Variants in BEND7 observed in about 807,000 individuals in gnomAD.
The protein encoded by BEND7 is BEN domain-containing protein 7.
A neutral mutation model predicts 50.9 loss-of-function variants in BEND7; 28 were observed. The observed-to-expected ratio is 0.55, with a 90% CI of 0.41 to 0.75. The LOEUF is 0.75. BEND7 is among the 30% of genes least tolerant of loss of function. BEND7 has a pLI of 0.00. For synonymous variants in BEND7, 170 were observed against 183.9 expected, an observed-to-expected ratio of 0.92 and a Z score of 0.61; for missense variants, 477 against 491.3, an observed-to-expected ratio of 0.97 and a Z score of 0.28.
At chr10:13,503,397 T>G (rs181017860) in intron 2 of BEND7, among the ~76,000 whole-genome samples, 1 of 152,172 alleles carries the variant, frequency 6.6e-6, no homozygotes, top group Non-Finnish European at 1.5e-5. Context: ...TAGCTCACTG[T>G]GGCATGTTTT....
At chr10:13,482,053 C>T (rs2075900775) in intron 5 of BEND7, among the ~76,000 whole-genome samples, 2 of 152,338 alleles carry the variant, frequency 1.3e-5, no homozygotes, top group Admixed American at 1.3e-4. Context: ...GAGGTGGCTA[C>T]AACTCTCTGT....
At chr10:13,525,835 G>A (rs904798962) in intron 2 of BEND7, among the ~76,000 whole-genome samples, 2 of 152,154 alleles carry the variant, frequency 1.3e-5, no homozygotes, top group East Asian at 1.9e-4. Context: ...GCATGCCAAC[G>A]AATATGCAAT....
At chr10:13,491,170 G>A (rs547642018) in intron 5 of BEND7, among the ~76,000 whole-genome samples, 59 of 151,866 alleles carry the variant, frequency 3.9e-4, no homozygotes, top group African/African-American at 1.4e-3. Context: ...TTCATTAGCC[G>A]GGGGTGGTGG....
Position 13,483,641 on chromosome 10 carries a change from A to G in BEND7, c.838-2517T>C, listed in dbSNP as rs1016349047. Among the ~76,000 whole-genome samples the G allele has an allele frequency of 7.9e-5, 12 of 152,224 alleles. 1 individual carries two copies. The South Asian group carries it at 2.5e-3, about 32-fold the overall frequency. ...CTCCAGGAGTTGGGTGACCTGGAGAACAGTGACCCAGCTGTTTCAATACCT... is the reference window on the plus strand; with the variant it reads ...CTCCAGGAGTTGGGTGACCTGGAGAGCAGTGACCCAGCTGTTTCAATACCT... On this transcript the variant is annotated intron_variant, in intron 5 of 8. Transcript: ENST00000466271.
intron 8 of BEND7, chr10:13,444,617 G>A (rs921131436): frequency 2.5e-4 from 38 of 152,310 alleles, no homozygotes; most frequent in African/African-American, 9.1e-4. Flanking sequence ...CAAGCTCAAG[G>A]ATGAAACCAC....
intron 2 of BEND7, among the ~76,000 whole-genome samples, chr10:13,521,219 G>A (rs895077970): frequency 6.6e-5 from 10 of 152,108 alleles, no homozygotes; most frequent in African/African-American, 2.2e-4. Context: ...TTGGGAGCAC[G>A]TTTGAACAAA....
At chr10:13,454,561 A>G (rs1399573733) in intron 6 of BEND7, among the ~76,000 whole-genome samples, 1 of 151,858 alleles carries the variant, frequency 6.6e-6, no homozygotes, top group Non-Finnish European at 1.5e-5. Context: ...TCAAGGCTGC[A>G]GTGAGCTATG....
At chr10:13,501,524 A>AT (rs970242736) in intron 2 of BEND7, among the ~76,000 whole-genome samples, 13 of 151,554 alleles carry the variant, frequency 8.6e-5, no homozygotes, top group African/African-American at 1.5e-4. Context: ...AGAGAAATGA[A>AT]TTTTTTTTTC....
chr10:13,514,650 G>A (rs893513677), intron 2 of BEND7, among the ~76,000 whole-genome samples: 7 of 152,266 alleles, frequency 4.6e-5, no homozygotes, highest in Middle Eastern at 3.4e-3. Flanking sequence ...CCCTCCCAGC[G>A]GAGAGTTAAG....
chr10:13,497,029 A>ACCTT, intron 3 of BEND7, 141 bp from the exon 4 acceptor site: 1 of 1,003,716 alleles, frequency 1.0e-6, no homozygotes, highest in South Asian at 1.8e-5. Flanking sequence ...TGCCTAAGGA[A>ACCTT]AACGTACCCA....
rs530912870 is a variant in BEND7, at chr10:13,507,490, T to C, written c.146-7410A>G. Among the ~76,000 whole-genome samples, 13 of 152,260 alleles carry C rather than the reference T, an allele frequency of 8.5e-5. No homozygotes were observed. In the East Asian group the frequency reaches 2.1e-3, roughly 25 times the overall value. On this transcript the variant is annotated intron_variant, in intron 2 of 8. Transcript: ENST00000466271. The stretch of plus-strand genomic sequence containing the variant: ...GCCATTGAGAAACTTGAGGAGATAA[T>C]GAAAAAGCCAATTGAACAGATTAAG...
At chr10:13,513,277 C>T (rs1180737684) in intron 2 of BEND7, among the ~76,000 whole-genome samples, 2 of 152,148 alleles carry the variant, frequency 1.3e-5, no homozygotes, top group Admixed American at 6.5e-5. Context: ...GCAGTCTTCT[C>T]GTCCTCCATG....
At position 13,505,604 on chromosome 10, in the gene BEND7, C is replaced by T. The variant is rs538639906; in HGVS notation, c.146-5524G>A. ...CACACTGTGCTTGTGCCATTAAAGG[C>T]CCACAGTCCGACCCCTGACTGGGAG... On this transcript the variant is annotated intron_variant, in intron 2 of 8. Transcript: ENST00000466271. Among the ~76,000 whole-genome samples the T allele has an allele frequency of 2.6e-5, 4 of 152,310 alleles. No homozygotes were observed. The East Asian group carries it at 7.7e-4, about 29-fold the overall frequency.
At chr10:13,458,292 TG>T (rs1395215211) in intron 6 of BEND7, among the ~76,000 whole-genome samples, 1 of 152,218 alleles carries the variant, frequency 6.6e-6, no homozygotes, top group African/African-American at 2.4e-5. Context: ...CGGCAGCGCG[TG>T]GCGTGTCTGA....
intron 1 of BEND7, among the ~76,000 whole-genome samples, chr10:13,527,088 A>G (rs1032947049): frequency 1.3e-5 from 2 of 152,242 alleles, no homozygotes; most frequent in Non-Finnish European, 2.9e-5. Context: ...CACTTTTAAG[A>G]TAAAGCAGTT....
intron 2 of BEND7, among the ~76,000 whole-genome samples, chr10:13,505,678 C>T (rs368629879): frequency 3.9e-5 from 6 of 152,158 alleles, no homozygotes; most frequent in African/African-American, 9.7e-5. Context: ...GGCACTTGTC[C>T]GGGCCTCTGG....
At chr10:13,516,971 G>C (rs778575193) in intron 2 of BEND7, among the ~76,000 whole-genome samples, 1 of 151,846 alleles carries the variant, frequency 6.6e-6, no homozygotes, top group Non-Finnish European at 1.5e-5. Flanking sequence ...CAAAAAATAA[G>C]TGTTGATTGG....
intron 2 of BEND7, among the ~76,000 whole-genome samples, chr10:13,517,264 G>A (rs1052634544): frequency 6.6e-6 from 1 of 151,614 alleles, no homozygotes; most frequent in Non-Finnish European, 1.5e-5. Context: ...TTTTGCAGAA[G>A]AGTGGTAAGC....
intron 4 of BEND7, among the ~76,000 whole-genome samples, chr10:13,495,231 GAGCTCCTTATTTAGGAGATGTTAAC>G (rs1269931433): frequency 3.9e-5 from 6 of 152,146 alleles, no homozygotes; most frequent in Non-Finnish European, 8.8e-5. Flanking sequence ...CTTTCTTTCT[GAGCTCCTTATTTAGGAGATGTTAAC>G]CTCCTCCAGG....
Sources: allele counts gnomAD v4.1 joint callset (sites outside exome capture counted in the v4.1 genomes callset), GRCh38; gene constraint gnomAD v4.1.1; transcripts MANE v1.5; gene names NCBI Gene and HGNC (gene_info 2026-07-23, HGNC 2026-07-21).